Variants in SPATC1 observed in about 807,000 individuals in gnomAD.
The protein encoded by SPATC1 is speriolin.
SPATC1 carries 35 observed loss-of-function variants against 36.5 expected under a neutral mutation model. The ratio of observed to expected loss-of-function variants is 0.96; its 90% CI spans 0.73 to 1.27. The LOEUF (loss-of-function observed/expected upper bound fraction) is 1.27. Among genes scored for constraint, SPATC1 ranks in the 50% most tolerant of loss-of-function variants. SPATC1 has a pLI of 0.00. For missense variants in SPATC1, 779 were observed against 796.0 expected, an observed-to-expected ratio of 0.98 and a Z score of 0.26; for synonymous variants, 361 against 353.6, an observed-to-expected ratio of 1.02 and a Z score of -0.24.
At chr8:144,032,567 C>T (rs1834819003) in intron 1 of SPATC1, among the ~76,000 whole-genome samples, 1 of 151,988 alleles carries the variant, frequency 6.6e-6, no homozygotes, top group South Asian at 2.1e-4. Flanking sequence ...TGAGCCACCC[C>T]ACCTGGCATT....
At position 144,046,288 on chromosome 8, in the gene SPATC1, T is replaced by G. The variant is rs1554756730; in HGVS notation, c.1447-339T>G. On this transcript the variant is annotated intron_variant, in intron 4 of 4. Transcript: ENST00000377470. The surrounding 1 kb of genome is among the most constrained non-coding windows in gnomAD (Gnocchi z 6.6). ...CCTCCAGATGCCTAGCCACGCCCCC[T>G]GCCCTCAGTCCCTGGAGGCCTCAGC... Among the ~76,000 whole-genome samples, 2 of 152,136 alleles carry G rather than the reference T, an allele frequency of 1.3e-5. No individual in the cohort carries two copies. The highest frequency in any genetic ancestry group is 1.3e-4 in the Admixed American group (2 of 15,282).
chr8:144,042,178 G>C (rs80139329), intron 4 of SPATC1: 4,216 of 226,428 alleles, frequency 0.019, 194 homozygotes, highest in African/African-American at 0.095. Context: ...CACAGCCCAG[G>C]CTGGAGTACA....
At chr8:144,042,604 GAGCCACCGCGCCCGGCCCCGA>G (rs1400328192) in intron 4 of SPATC1, among the ~76,000 whole-genome samples, 12 of 151,964 alleles carry the variant, frequency 7.9e-5, no homozygotes, top group Non-Finnish European at 1.6e-4. Flanking sequence ...TGACAGGCGT[GAGCCACCGCGCCCGGCCCCGA>G]AAGGGAAGCT....
intron 1 of SPATC1, among the ~76,000 whole-genome samples, chr8:144,030,638 C>T (rs1354835813): frequency 6.6e-6 from 1 of 152,204 alleles, no homozygotes; most frequent in Admixed American, 6.5e-5. Context: ...TGATTACAGG[C>T]ATGAGCCACC....
intron 1 of SPATC1, among the ~76,000 whole-genome samples, chr8:144,021,166 CTCAAGACCTTTCCCA>C (rs1834519656): frequency 1.1e-4 from 1 of 9,054 alleles, no homozygotes; most frequent in Non-Finnish European, 2.2e-4. Flanking sequence ...ATCCTCTCCC[CTCAAGACCTTTCCCA>C]TCAGGACCCT....
intron 1 of SPATC1, among the ~76,000 whole-genome samples, chr8:144,037,125 G>C (rs1360000042): frequency 7.1e-5 from 8 of 113,168 alleles, no homozygotes; most frequent in Admixed American, 5.0e-4. Flanking sequence ...CCGGCAAGCC[G>C]CCCCGTCCGG....
At chr8:144,044,924 G>C (rs1333680426) in intron 4 of SPATC1, among the ~76,000 whole-genome samples, 3 of 152,188 alleles carry the variant, frequency 2.0e-5, no homozygotes, top group Non-Finnish European at 4.4e-5. Flanking sequence ...ACTCCACCCT[G>C]GGCAACACAG....
intron 1 of SPATC1, among the ~76,000 whole-genome samples, chr8:144,032,596 T>C (rs1197859263): frequency 6.6e-6 from 1 of 152,150 alleles, no homozygotes; most frequent in African/African-American, 2.4e-5. Flanking sequence ...TTTTTAGCTT[T>C]TTGAAAACTG....
chr8:144,030,986 C>T lies in SPATC1; in HGVS notation c.212-8923C>T, dbSNP rs958137111. Among the ~76,000 whole-genome samples the T allele has an allele frequency of 2.9e-4, 44 of 152,114 alleles. 1 individual carries two copies. Among genetic ancestry groups the T allele is most frequent in the African/African-American group, 8.7e-4 (36 of 41,436 alleles). On this transcript the variant is annotated intron_variant, in intron 1 of 4. Transcript: ENST00000377470. ...TACATCTTTATACAGTATGTGCACA[C>T]TAGCATATATTTATAATCATTGTTT...
At position 144,013,616 on chromosome 8, in the gene SPATC1, T is replaced by C. The variant is rs141417633; in HGVS notation, c.211+890T>C. Among the ~76,000 whole-genome samples the C allele has an allele frequency of 4.3e-3, 648 of 152,224 alleles. 7 individuals are homozygous for C. Among genetic ancestry groups the C allele is most frequent in the African/African-American group, 0.015 (626 of 41,520 alleles). ...GCACATAGACACCTCTAGCTTTAAA[T>C]GTTATACCCCTAATGACACAGAGAC... is the stretch of plus-strand genomic sequence containing the variant. On this transcript the variant is annotated intron_variant, in intron 1 of 4. Coordinates refer to ENST00000377470, the MANE Select transcript of SPATC1 (RefSeq NM_198572.3).
intron 1 of SPATC1, among the ~76,000 whole-genome samples, chr8:144,039,464 G>A (rs1387395534): frequency 2.0e-5 from 3 of 152,224 alleles, no homozygotes; most frequent in African/African-American, 4.8e-5. Flanking sequence ...GTGGTCAGGA[G>A]GCCTGGGCCC....
chr8:144,042,300 TATA>T (rs1835127841), intron 4 of SPATC1, among the ~76,000 whole-genome samples: 4 of 64,056 alleles, frequency 6.2e-5, no homozygotes, highest in African/African-American at 3.9e-4. Context: ...TATATATATA[TATA>T]TATATATATT....
At position 144,046,883 on chromosome 8, in the gene SPATC1, C is replaced by A. The variant is rs782022548; in HGVS notation, c.1703C>A (p.Ala568Asp). The change falls in exon 5 of 5, where the codon GCC becomes GAC. Residue 568 changes from alanine to aspartate, a missense_variant. Coordinates refer to ENST00000377470, the MANE Select transcript of SPATC1 (RefSeq NM_198572.3). This position sits in a 1 kb window ranked among gnomAD's most constrained non-coding sequence, Gnocchi z 6.6. ...VVETVHPGML[A>D]DALLLLSCLS... Reference sequence around the variant, plus strand: ...GAGACCGTGCACCCCGGCATGCTCGCCGACGCGCTGCTGCTGCTCTCCTGC... The same window carrying A: ...GAGACCGTGCACCCCGGCATGCTCGACGACGCGCTGCTGCTGCTCTCCTGC... 27 of 1,599,832 alleles carry A rather than the reference C, an allele frequency of 1.7e-5. No individual in the cohort carries two copies. Among genetic ancestry groups the A allele is most frequent in the Non-Finnish European group, 2.3e-5 (27 of 1,179,774 alleles).
rs908463117 is a variant in SPATC1 at position 144,030,258 on chromosome 8, C to T, written c.212-9651C>T. On this transcript the variant is annotated intron_variant, in intron 1 of 4. Transcript: ENST00000377470. ...GTGTTTTTTGGTTGACTGTTTTATC[C>T]ATTCTGCCAATCTCTTACCTTTTGA... 1.3e-3 allele frequency among the ~76,000 whole-genome samples: 196 copies of T among 152,206 alleles called. 5 individuals are homozygous for T. The South Asian group carries it at 0.04, about 31-fold the overall frequency.
intron 1 of SPATC1, among the ~76,000 whole-genome samples, chr8:144,028,303 T>C (rs1429922404): frequency 6.6e-6 from 1 of 151,350 alleles, no homozygotes; most frequent in Non-Finnish European, 1.5e-5. Flanking sequence ...TTGCAACCTA[T>C]CCATCTGACA....
In SPATC1 at chr8:144,040,048, G is replaced by A. The variant is rs782196239; in HGVS notation, c.351G>A (p.Leu117=). Residue 117 remains leucine (L), a synonymous_variant, in exon 2 of 5, where the codon CTG becomes CTA. Transcript: ENST00000377470. The part of the protein sequence containing the change: ...SATPGSLMSP[L]TGTLSTLLSG... ...CACCGGGCTCACTCATGAGCCCCCT[G>A]ACAGGCACCCTCAGCACGCTGCTGT... The A allele has an allele frequency of 4.4e-5, 71 of 1,613,504 alleles. No homozygotes were observed. The highest frequency in any genetic ancestry group is 1.2e-4 in the Admixed American group (7 of 59,988).
At chr8:144,037,098 G>A (rs1420378095) in intron 1 of SPATC1, among the ~76,000 whole-genome samples, 3 of 136,480 alleles carry the variant, frequency 2.2e-5, no homozygotes, top group Non-Finnish European at 3.2e-5. Context: ...CCGGCTGGGC[G>A]GGGGGCTGAC....
At chr8:144,027,075 G>A (rs928660492) in intron 1 of SPATC1, among the ~76,000 whole-genome samples, 11 of 142,234 alleles carry the variant, frequency 7.7e-5, no homozygotes, top group Non-Finnish European at 1.2e-4. Flanking sequence ...CCCATGATCC[G>A]CCTGCCTCAG....
At chr8:144,032,229 G>A (rs1017140278) in intron 1 of SPATC1, among the ~76,000 whole-genome samples, 40 of 151,990 alleles carry the variant, frequency 2.6e-4, no homozygotes, top group Middle Eastern at 3.4e-3. Flanking sequence ...TGCCCAGATC[G>A]GTTGAATCCC....
Sources: allele counts gnomAD v4.1 joint callset (sites outside exome capture counted in the v4.1 genomes callset), GRCh38; gene constraint gnomAD v4.1.1; non-coding constraint Gnocchi (gnomAD v3.1); transcripts MANE v1.5; gene names NCBI Gene and HGNC (gene_info 2026-07-23, HGNC 2026-07-21).